Variants in PPARG observed in about 807,000 individuals in gnomAD.
The protein encoded by PPARG is peroxisome proliferator activated receptor gamma.
Under a neutral mutation model 39.2 loss-of-function variants are expected in PPARG, and 17 were observed. The ratio of observed to expected loss-of-function variants is 0.43; its 90% CI spans 0.30 to 0.65. The LOEUF is 0.65. Among genes scored for constraint, PPARG ranks in the 30% least tolerant of loss-of-function variants. The pLI is 0.13. For missense variants in PPARG, 406 were observed against 585.9 expected (o/e 0.69, Z 3.17); for synonymous variants, 223 against 215.7 (o/e 1.03, Z -0.30).
At chr3:12,430,172 A>C (rs866367617) in intron 7 of PPARG, among the ~76,000 whole-genome samples, 7 of 150,688 alleles carry the variant, frequency 4.6e-5, no homozygotes, top group African/African-American at 1.7e-4. Flanking sequence ...AGTTTATTAG[A>C]CACAGGAAAA....
rs954842158 is a variant in PPARG, at chr3:12,401,453, G to C, written c.530-4429G>C. The stretch of plus-strand genomic sequence containing the variant: ...CAGCAATAAAAGCTGTGTTTGTTAA[G>C]CATTGCCATGCACCTAGCACTGTGT... On this transcript the variant is annotated intron_variant, in intron 5 of 7. Transcript: ENST00000651735. Among the ~76,000 whole-genome samples, 61 of 152,152 alleles carry C rather than the reference G, an allele frequency of 4.0e-4. 1 individual carries two copies. The highest frequency in any genetic ancestry group is 1.3e-3 in the African/African-American group (55 of 41,442).
rs764771478 is a variant in PPARG at position 12,298,324 on chromosome 3, A to AAAAAAAAAAAAAAAAAAG, written c.-83+9193_-83+9194insAAAAAAAAAAAAAAGAAA. Among the ~76,000 whole-genome samples the AAAAAAAAAAAAAAAAAAG allele has an allele frequency of 4.4e-4, 59 of 134,716 alleles. 4 individuals are homozygous for AAAAAAAAAAAAAAAAAAG. Among genetic ancestry groups the AAAAAAAAAAAAAAAAAAG allele is most frequent in the Middle Eastern group, 4.1e-3 (1 of 246 alleles). 88.4% of individuals were successfully genotyped at this position (134,716 alleles called of 152,430 possible). ...AAAAAAAAAAAAAAAAAAAAAAAAA[A>AAAAAAAAAAAAAAAAAAG]AAAGAAATGTAAAATAGCAAGCGAG... On this transcript the variant is annotated intron_variant, in intron 1 of 7. Transcript: ENST00000651735.
chr3:12,342,589 T>G (rs866400781), intron 2 of PPARG, among the ~76,000 whole-genome samples: 2 of 152,214 alleles, frequency 1.3e-5, no homozygotes, highest in African/African-American at 4.8e-5. Context: ...ACACATGCTG[T>G]ATGTATGTGT....
At chr3:12,366,847 A>G (rs558976124) in intron 2 of PPARG, among the ~76,000 whole-genome samples, 4 of 152,260 alleles carry the variant, frequency 2.6e-5, no homozygotes, top group East Asian at 1.9e-4. Flanking sequence ...AGATTGGTCT[A>G]TAGGGTTTAT....
Position 12,378,667 on chromosome 3 carries a change from G to C in PPARG, c.-8-1037G>C, listed in dbSNP as rs79924417. 7.8e-3 allele frequency among the ~76,000 whole-genome samples: 1,194 copies of C among 152,258 alleles called. 11 individuals are homozygous for C. The highest frequency in any genetic ancestry group is 0.028 in the African/African-American group (1,145 of 41,544). On this transcript the variant is annotated intron_variant, in intron 2 of 7. Transcript: ENST00000651735. Reference sequence around the variant, plus strand: ...GTAAAATGGTGGTTGCCAGGAGCTGGAGGGTGAGAGCAATGGGGAGATATC... The same window carrying C: ...GTAAAATGGTGGTTGCCAGGAGCTGCAGGGTGAGAGCAATGGGGAGATATC...
At chr3:12,328,328 G>A in intron 2 of PPARG, 2 of 885,300 alleles carry the variant, frequency 2.3e-6, no homozygotes, top group Non-Finnish European at 3.6e-6. Context: ...CCTGGTGGGG[G>A]CAGAGGAGTC....
At chr3:12,338,629 G>T (rs1275629618) in intron 2 of PPARG, among the ~76,000 whole-genome samples, 1 of 152,118 alleles carries the variant, frequency 6.6e-6, no homozygotes, top group Non-Finnish European at 1.5e-5. Flanking sequence ...GGAAATTACT[G>T]CTATAGCATA....
intron 2 of PPARG, among the ~76,000 whole-genome samples, chr3:12,318,082 T>C (rs760132994): frequency 6.6e-6 from 1 of 152,086 alleles, no homozygotes; most frequent in Non-Finnish European, 1.5e-5. Flanking sequence ...CAAGTGACCC[T>C]CTTGCCTCAG....
intron 2 of PPARG, among the ~76,000 whole-genome samples, chr3:12,328,677 G>C (rs1447723573): frequency 6.6e-6 from 1 of 152,218 alleles, no homozygotes; most frequent in Admixed American, 6.5e-5. Flanking sequence ...CTCCACCTCA[G>C]CTCCTGCTCC....
At chr3:12,407,932 A>T (rs993720004) in intron 6 of PPARG, among the ~76,000 whole-genome samples, 2 of 152,190 alleles carry the variant, frequency 1.3e-5, no homozygotes, top group Non-Finnish European at 2.9e-5. Context: ...AGCCACATGC[A>T]CCTGACTACT....
rs2050641831 is a variant in PPARG, at chr3:12,405,886, C to T, written c.534C>T (p.Ile178=). ...GTCATTCCTCTTCCTCTATAGCCATCAGGTTTGGGCGGATGCCACAGGCCG... is the reference window on the plus strand; with the variant it reads ...GTCATTCCTCTTCCTCTATAGCCATTAGGTTTGGGCGGATGCCACAGGCCG... The part of the protein sequence containing the change: ...CLAVGMSHNA[I]RFGRMPQAEK... Residue 178 remains isoleucine, a synonymous_variant, in exon 6 of 8, where the codon ATC becomes ATT. Transcript: ENST00000651735. 1.9e-6 allele frequency: 3 copies of T among 1,613,594 alleles called. No individual in the cohort carries two copies. In the African/African-American group the frequency reaches 4.0e-5, roughly 22 times the overall value.
At chr3:12,330,822 A>G (rs1575003160) in intron 2 of PPARG, among the ~76,000 whole-genome samples, 2 of 152,186 alleles carry the variant, frequency 1.3e-5, no homozygotes, top group East Asian at 3.9e-4. Context: ...ATGATGAGAA[A>G]TTTTACACCT....
intron 2 of PPARG, among the ~76,000 whole-genome samples, chr3:12,352,902 T>C (rs1483335497): frequency 6.6e-6 from 1 of 152,266 alleles, no homozygotes; most frequent in Admixed American, 6.5e-5. Context: ...ATTGTTGCTA[T>C]CTTTCTTCAG....
intron 2 of PPARG, among the ~76,000 whole-genome samples, chr3:12,376,186 T>A (rs1213078922): frequency 1.3e-5 from 2 of 152,068 alleles, no homozygotes; most frequent in African/African-American, 4.8e-5. Flanking sequence ...TGACCTCAGG[T>A]GATCCACCCT....
At chr3:12,378,080 AC>A (rs1296065009) in intron 2 of PPARG, among the ~76,000 whole-genome samples, 1 of 152,180 alleles carries the variant, frequency 6.6e-6, no homozygotes, top group East Asian at 1.9e-4. Flanking sequence ...ATCATCTCAC[AC>A]CCATTAGAAT....
chr3:12,367,091 C>G (rs913563159), intron 2 of PPARG, among the ~76,000 whole-genome samples: 1 of 152,080 alleles, frequency 6.6e-6, no homozygotes, highest in Non-Finnish European at 1.5e-5. Flanking sequence ...TATTCCATTT[C>G]TCTATTTCAT....
Position 12,328,027 on chromosome 3 carries a change from A to T in PPARG, c.-9+15574A>T, listed in dbSNP as rs555950952. 22 of 1,253,696 alleles carry T rather than the reference A, an allele frequency of 1.8e-5. No homozygotes were observed. In the East Asian group the frequency reaches 5.1e-4, roughly 29 times the overall value. 77.7% of individuals were successfully genotyped at this position (1,253,696 alleles called of 1,614,324 possible). A position where few individuals can be genotyped will look rare whatever the true frequency, so the allele number is the denominator to read the frequency against. On this transcript the variant is annotated intron_variant, in intron 2 of 7. Transcript: ENST00000651735. Reference sequence around the variant, plus strand: ...TATAGTGATTGAACAGCTAAACAGAACGAAAAAGCATGCACATCTTACAGA... The same window carrying T: ...TATAGTGATTGAACAGCTAAACAGATCGAAAAAGCATGCACATCTTACAGA...
chr3:12,329,797 C>T (rs950022218), intron 2 of PPARG, among the ~76,000 whole-genome samples: 3 of 152,190 alleles, frequency 2.0e-5, no homozygotes, highest in Admixed American at 2.0e-4. Context: ...AACTCCACAT[C>T]ACCCACTCCC....
chr3:12,430,057 G>C (rs1287739141), intron 7 of PPARG, among the ~76,000 whole-genome samples: 1 of 152,208 alleles, frequency 6.6e-6, no homozygotes, highest in Non-Finnish European at 1.5e-5. Flanking sequence ...AAGTAAGAAA[G>C]TTAACTTAGA....
Sources: allele counts gnomAD v4.1 joint callset (sites outside exome capture counted in the v4.1 genomes callset), GRCh38; gene constraint gnomAD v4.1.1; transcripts MANE v1.5; gene names NCBI Gene and HGNC (gene_info 2026-07-23, HGNC 2026-07-21).